ZNF148: variants seen among roughly 807,000 people sequenced by gnomAD.
The protein encoded by ZNF148 is Beta-Enolase Repressor Factor-1.
A neutral mutation model predicts 67.7 loss-of-function variants in ZNF148; 7 were observed. The ratio of observed to expected loss-of-function variants is 0.10; its 90% CI spans 0.06 to 0.19. The LOEUF is 0.19. Ranked by LOEUF, ZNF148 falls within the 10% of genes least tolerant of loss-of-function variation. The pLI, the probability that ZNF148 is intolerant of heterozygous loss-of-function variation, is 1.00. For missense variants in ZNF148, 583 were observed against 947.1 expected, an observed-to-expected ratio of 0.62 and a Z score of 5.05; for synonymous variants, 333 against 330.7, an observed-to-expected ratio of 1.01 and a Z score of -0.08.
intron 7 of ZNF148, among the ~76,000 whole-genome samples, chr3:125,267,815 G>C (rs531854843): frequency 6.6e-6 from 1 of 152,150 alleles, no homozygotes; most frequent in Non-Finnish European, 1.5e-5. Flanking sequence ...ATATGATTCA[G>C]TATCTAGAAA....
intron 4 of ZNF148, among the ~76,000 whole-genome samples, chr3:125,308,078 A>G (rs1461626262): frequency 6.6e-6 from 1 of 152,224 alleles, no homozygotes; most frequent in Admixed American, 6.5e-5. Flanking sequence ...CAGTGCAATA[A>G]GAAAAAGAAA....
chr3:125,283,120 T>C, intron 5 of ZNF148, among the ~76,000 whole-genome samples: 1 of 152,038 alleles, frequency 6.6e-6, no homozygotes, highest in East Asian at 1.9e-4. Flanking sequence ...TTCTCTTTAC[T>C]CTCCAAATCC....
At chr3:125,262,395 A>G (rs975431743) in intron 7 of ZNF148, among the ~76,000 whole-genome samples, 1 of 152,224 alleles carries the variant, frequency 6.6e-6, no homozygotes, top group Non-Finnish European at 1.5e-5. Context: ...TTGTAGTTTG[A>G]GCTTGGAAAA....
intron 1 of ZNF148, among the ~76,000 whole-genome samples, chr3:125,351,015 A>ACAATGG (rs1942128488): frequency 6.6e-6 from 1 of 152,140 alleles, no homozygotes; most frequent in Admixed American, 6.5e-5. Context: ...AGAAAGTAAA[A>ACAATGG]CAATGGTTGC....
intron 1 of ZNF148, among the ~76,000 whole-genome samples, chr3:125,374,898 C>T (rs1943014229): frequency 6.6e-6 from 1 of 151,776 alleles, no homozygotes; most frequent in East Asian, 1.9e-4. Flanking sequence ...CCCCAACCCA[C>T]CCTCCGCGCC....
chr3:125,325,379 A>G (rs1940973028), intron 2 of ZNF148, among the ~76,000 whole-genome samples: 1 of 152,204 alleles, frequency 6.6e-6, no homozygotes, highest in South Asian at 2.1e-4. Context: ...AACAACATTC[A>G]GCTTACCAAC....
In ZNF148 at chr3:125,226,353, C is replaced by A. The variant is rs189980463; in HGVS notation, c.*5988G>T. 2 of 152,172 alleles carry A rather than the reference C, an allele frequency of 1.3e-5. No individual in the cohort carries two copies. Among genetic ancestry groups the A allele is most frequent in the African/African-American group, 4.8e-5 (2 of 41,408 alleles). The allele number at this position is 152,172 out of a possible 1,614,324, so 9.4% of individuals were successfully genotyped here. On this transcript the variant is annotated 3_prime_UTR_variant, in exon 9 of 9. Transcript: ENST00000360647. ...TCAGAATATTGTGAAAAATTCAGCT[C>A]GAAAATTATCCATAAAACTGTATTC...
chr3:125,295,705 G>A (rs1394574243), intron 4 of ZNF148, among the ~76,000 whole-genome samples: 1 of 152,074 alleles, frequency 6.6e-6, no homozygotes. Flanking sequence ...ACCTGGAGGG[G>A]AAAATCTCAT....
chr3:125,290,122 C>T (rs1938926791), intron 4 of ZNF148, among the ~76,000 whole-genome samples: 2 of 152,110 alleles, frequency 1.3e-5, no homozygotes, highest in Admixed American at 1.3e-4. Context: ...CTCTAAAGCC[C>T]CTGCTCATCC....
intron 3 of ZNF148, chr3:125,315,095 TTACA>T (rs1940421260): frequency 6.6e-6 from 1 of 152,116 alleles, no homozygotes; most frequent in Non-Finnish European, 1.5e-5. Context: ...GTCAAAGATG[TTACA>T]TACATCACCA....
chr3:125,351,536 G>A (rs532052830), intron 1 of ZNF148, among the ~76,000 whole-genome samples: 18 of 152,130 alleles, frequency 1.2e-4, no homozygotes, highest in Admixed American at 4.6e-4. Context: ...AAAAGGATAG[G>A]TCTCATATTA....
chr3:125,314,485 T>C (rs548480780), intron 3 of ZNF148, among the ~76,000 whole-genome samples: 56 of 152,334 alleles, frequency 3.7e-4, no homozygotes, highest in African/African-American at 1.2e-3. Flanking sequence ...ACTTTGATCA[T>C]AGTTTTCAGC....
intron 4 of ZNF148, among the ~76,000 whole-genome samples, chr3:125,306,738 T>C (rs565429489): frequency 2.0e-4 from 30 of 152,122 alleles, no homozygotes; most frequent in African/African-American, 4.6e-4. Context: ...CATGTGTGTA[T>C]AGTCCCAACT....
chr3:125,290,321 A>C (rs892339785), intron 4 of ZNF148, among the ~76,000 whole-genome samples: 3 of 152,034 alleles, frequency 2.0e-5, no homozygotes, highest in African/African-American at 7.3e-5. Flanking sequence ...TGCAAGTTCT[A>C]AAATATCTCT....
At chr3:125,246,069 T>C (rs1936585916) in intron 7 of ZNF148, among the ~76,000 whole-genome samples, 1 of 152,222 alleles carries the variant, frequency 6.6e-6, no homozygotes, top group Non-Finnish European at 1.5e-5. Flanking sequence ...CTGATTTTTT[T>C]CTACAAAACT....
chr3:125,364,048 T>C (rs1942627846), intron 1 of ZNF148, among the ~76,000 whole-genome samples: 1 of 152,164 alleles, frequency 6.6e-6, no homozygotes. Context: ...TAGTCTCTTA[T>C]TTACCCGTTC....
At chr3:125,330,392 G>A (rs1299490403) in intron 2 of ZNF148, among the ~76,000 whole-genome samples, 2 of 148,452 alleles carry the variant, frequency 1.3e-5, no homozygotes, top group Non-Finnish European at 2.9e-5. Context: ...CTTGAGCCCC[G>A]CAGGTAGAGG....
intron 7 of ZNF148, among the ~76,000 whole-genome samples, chr3:125,242,241 G>A (rs62270308): frequency 0.1 from 15,178 of 152,176 alleles, 924 homozygotes; most frequent in Admixed American, 0.15. Flanking sequence ...GATTTTGAGT[G>A]TTATTTAGAA....
At chr3:125,342,006 G>A (rs968809819) in intron 1 of ZNF148, among the ~76,000 whole-genome samples, 1 of 147,116 alleles carries the variant, frequency 6.8e-6, no homozygotes, top group African/African-American at 2.5e-5. Context: ...GGGCGGGGGG[G>A]GGAATGGAAA....
Sources: allele counts gnomAD v4.1 joint callset (sites outside exome capture counted in the v4.1 genomes callset), GRCh38; gene constraint gnomAD v4.1.1; transcripts MANE v1.5; gene names NCBI Gene and HGNC (gene_info 2026-07-23, HGNC 2026-07-21).